The following NTM variants were observed in gnomAD, a reference collection of about 807,000 sequenced individuals.
NTM encodes neurotrimin, also known as IgLON family member 2.
Under a neutral mutation model 42.1 loss-of-function variants are expected in NTM, and 13 were observed. That is an observed-to-expected ratio of 0.31 (90% CI 0.20 to 0.49). The LOEUF (loss-of-function observed/expected upper bound fraction) is 0.49. Among genes scored for constraint, NTM ranks in the 20% least tolerant of loss-of-function variants. The pLI, the probability that NTM is intolerant of heterozygous loss-of-function variation, is 0.99. For missense variants in NTM, 373 were observed against 452.8 expected (o/e 0.82, Z 1.60); for synonymous variants, 187 against 179.2 (o/e 1.04, Z -0.35).
Position 132,003,257 on chromosome 11 carries a change from CTT to C in NTM, c.167+91620_167+91621del, listed in dbSNP as rs879657772. On this transcript the variant is annotated intron_variant, in intron 2 of 8. Coordinates refer to ENST00000683400, the MANE Select transcript of NTM (RefSeq NM_001352005.2). The surrounding 1 kb of genome is among the most constrained non-coding windows in gnomAD (Gnocchi z 6.0). Reference sequence around the variant, plus strand: ...ACCCACACCCTTAGAGTTTTTTTTTCTTTTTTTTTTTTGACAGGTTATTTGTT... The same window carrying C: ...ACCCACACCCTTAGAGTTTTTTTTTCTTTTTTTTTTGACAGGTTATTTGTT... Among the ~76,000 whole-genome samples the C allele has an allele frequency of 6.8e-5, 9 of 132,282 alleles. No individual in the cohort carries two copies. The highest frequency in any genetic ancestry group is 1.7e-4 in the African/African-American group (6 of 35,548). 86.8% of individuals were successfully genotyped at this position (132,282 alleles called of 152,430 possible).
At chr11:132,031,550 A>C (rs889478150) in intron 2 of NTM, among the ~76,000 whole-genome samples, 1 of 152,170 alleles carries the variant, frequency 6.6e-6, no homozygotes, top group African/African-American at 2.4e-5. Context: ...GAGATGGGTC[A>C]AGGAGGTCTT....
intron 2 of NTM, among the ~76,000 whole-genome samples, chr11:132,115,441 T>C (rs1204320153): frequency 6.6e-6 from 1 of 152,242 alleles, no homozygotes; most frequent in Non-Finnish European, 1.5e-5. Context: ...ATACAAGTTT[T>C]ATTTGTCAAT....
At chr11:132,273,323 T>TG (rs1367321952) in intron 4 of NTM, among the ~76,000 whole-genome samples, 17 of 145,436 alleles carry the variant, frequency 1.2e-4, no homozygotes, top group African/African-American at 2.0e-4. Flanking sequence ...TTTTTTTTTT[T>TG]TTTTTTTTTT....
intron 7 of NTM, among the ~76,000 whole-genome samples, chr11:132,328,788 T>C (rs1208062090): frequency 2.0e-5 from 3 of 152,076 alleles, no homozygotes; most frequent in Non-Finnish European, 4.4e-5. Flanking sequence ...GGTACCTAAA[T>C]AAGACAATTA....
At chr11:132,103,592 A>G (rs191921370) in intron 2 of NTM, among the ~76,000 whole-genome samples, 1 of 152,308 alleles carries the variant, frequency 6.6e-6, no homozygotes, top group African/African-American at 2.4e-5. Context: ...GGCAGGTGAC[A>G]ACAAGGAGGG....
chr11:131,437,313 A>C lies in NTM; in HGVS notation c.82+66425A>C, dbSNP rs192426957. 3.0e-4 allele frequency among the ~76,000 whole-genome samples: 46 copies of C among 152,282 alleles called. 1 individual carries two copies. The highest frequency in any genetic ancestry group is 2.7e-3 in the Admixed American group (41 of 15,294). On this transcript the variant is annotated intron_variant, in intron 1 of 8. Transcript: ENST00000683400. Reference sequence around the variant, plus strand: ...TGTCTATTAGGTCCACTTGGTGCAGAACTGAGTTCAAGTCCTGGATATCCT... The same window carrying C: ...TGTCTATTAGGTCCACTTGGTGCAGCACTGAGTTCAAGTCCTGGATATCCT...
intron 2 of NTM, among the ~76,000 whole-genome samples, chr11:132,102,153 G>A (rs1204334048): frequency 6.6e-6 from 1 of 152,152 alleles, no homozygotes; most frequent in East Asian, 1.9e-4. Flanking sequence ...TCATTCAGAT[G>A]GTATCCCTTT....
At chr11:131,574,239 G>A (rs1049295352) in intron 1 of NTM, among the ~76,000 whole-genome samples, 4 of 152,126 alleles carry the variant, frequency 2.6e-5, no homozygotes, top group African/African-American at 9.7e-5. Flanking sequence ...AGGGGTGGCT[G>A]CAATTCAGGA....
At chr11:132,012,544 T>C (rs546143283) in intron 2 of NTM, among the ~76,000 whole-genome samples, 2 of 152,178 alleles carry the variant, frequency 1.3e-5, no homozygotes, top group Non-Finnish European at 2.9e-5. Context: ...TTTCTAAACA[T>C]GTTTTTTCTC....
At chr11:132,065,635 T>C (rs2056359853) in intron 2 of NTM, among the ~76,000 whole-genome samples, 1 of 152,236 alleles carries the variant, frequency 6.6e-6, no homozygotes, top group Non-Finnish European at 1.5e-5. Context: ...ATTTAAATTC[T>C]GATTGGAACC....
intron 2 of NTM, among the ~76,000 whole-genome samples, chr11:132,138,274 C>A (rs1430785895): frequency 6.6e-6 from 1 of 152,006 alleles, no homozygotes; most frequent in Non-Finnish European, 1.5e-5. Context: ...CAGTACACAC[C>A]AAGATAAAGT....
intron 1 of NTM, among the ~76,000 whole-genome samples, chr11:131,698,998 T>C (rs983298279): frequency 3.3e-5 from 5 of 152,244 alleles, no homozygotes; most frequent in African/African-American, 1.2e-4. Context: ...GTGGTGGAAT[T>C]AATTCATTGT....
At chr11:131,958,017 C>T (rs1318357016) in intron 2 of NTM, among the ~76,000 whole-genome samples, 2 of 152,016 alleles carry the variant, frequency 1.3e-5, no homozygotes, top group East Asian at 3.9e-4. Context: ...CTGATTGGTG[C>T]CATAAAAAAA....
intron 2 of NTM, among the ~76,000 whole-genome samples, chr11:131,916,491 G>A (rs1280119982): frequency 6.6e-6 from 1 of 152,176 alleles, no homozygotes; most frequent in South Asian, 2.1e-4. Flanking sequence ...GGAATTGAAG[G>A]TCTGAGAAAT....
At chr11:131,699,001 T>G (rs1395882645) in intron 1 of NTM, among the ~76,000 whole-genome samples, 1 of 152,254 alleles carries the variant, frequency 6.6e-6, no homozygotes, top group East Asian at 1.9e-4. Context: ...GTGGAATTAA[T>G]TCATTGTATC....
At chr11:132,127,946 A>G (rs2066131093) in intron 2 of NTM, among the ~76,000 whole-genome samples, 1 of 152,214 alleles carries the variant, frequency 6.6e-6, no homozygotes, top group Non-Finnish European at 1.5e-5. Context: ...ACCAGGTGGG[A>G]TGCTGGCCTG....
chr11:132,103,427 A>G (rs1412660417), intron 2 of NTM, among the ~76,000 whole-genome samples: 1 of 152,198 alleles, frequency 6.6e-6, no homozygotes, highest in East Asian at 1.9e-4. Flanking sequence ...CAGCTTAGGA[A>G]CGTTGAGATT....
intron 4 of NTM, among the ~76,000 whole-genome samples, chr11:132,267,986 A>C (rs1367911593): frequency 1.3e-5 from 2 of 152,156 alleles, no homozygotes; most frequent in Non-Finnish European, 2.9e-5. Flanking sequence ...AAACACAACC[A>C]CAAGAACACT....
At chr11:131,676,007 A>G (rs758056477) in intron 1 of NTM, among the ~76,000 whole-genome samples, 1 of 152,130 alleles carries the variant, frequency 6.6e-6, no homozygotes, top group Non-Finnish European at 1.5e-5. Flanking sequence ...CCTTGGACCA[A>G]TGGTTTCACC....
Sources: allele counts gnomAD v4.1 joint callset (sites outside exome capture counted in the v4.1 genomes callset), GRCh38; gene constraint gnomAD v4.1.1; non-coding constraint Gnocchi (gnomAD v3.1); transcripts MANE v1.5; gene names NCBI Gene and HGNC (gene_info 2026-07-23, HGNC 2026-07-21).